The following MAMDC2 variants were observed in gnomAD, a reference collection of about 807,000 sequenced individuals.
MAMDC2 encodes the protein MAM domain-containing protein 2.
Under a neutral mutation model 89.8 loss-of-function variants are expected in MAMDC2, and 57 were observed. That is an observed-to-expected ratio of 0.63 (90% CI 0.51 to 0.79). MAMDC2 has a LOEUF of 0.79. Among genes scored for constraint, MAMDC2 ranks in the 30% least tolerant of loss-of-function variants. MAMDC2 has a pLI of 0.00. For missense variants in MAMDC2, 800 were observed against 820.6 expected (o/e 0.97, Z 0.31); for synonymous variants, 313 against 293.4 (o/e 1.07, Z -0.68).
chr9:70,129,870 G>A (rs2030716945), intron 6 of MAMDC2, among the ~76,000 whole-genome samples: 3 of 152,148 alleles, frequency 2.0e-5, no homozygotes, highest in Non-Finnish European at 4.4e-5. Flanking sequence ...TCATGATCAA[G>A]GTGCTGGCAG....
Position 70,044,583 on chromosome 9 carries a change from GC to G in MAMDC2, c.37del (p.Leu13CysfsTer34). Reference protein sequence around the residue: ...LLRGVLLALQALQLAGALDLP... With the variant: ...LLRGVLLALQXLQLAGALDLP... ...AACTGAAACTCGCTTTGTGCCCGCA[GC>G]CCTGCAGCTCGCCGGTGCCCTCGAC... On this transcript the variant is annotated frameshift_variant and splice_region_variant, in exon 2 of 14. Coordinates refer to ENST00000377182, the MANE Select transcript of MAMDC2 (RefSeq NM_153267.5). LOFTEE classifies it high-confidence loss of function. 2 of 1,549,350 alleles carry G rather than the reference GC, an allele frequency of 1.3e-6. No homozygotes were observed. Among genetic ancestry groups the G allele is most frequent in the Middle Eastern group, 2.0e-4 (1 of 5,006 alleles).
At chr9:70,169,661 T>C (rs749410703) in intron 10 of MAMDC2, 1 of 152,120 alleles carries the variant, frequency 6.6e-6, no homozygotes, top group Non-Finnish European at 1.5e-5. Context: ...AGCTATTTAT[T>C]AGAAAAATTT....
At chr9:70,124,073 C>T (rs990042857) in intron 5 of MAMDC2, among the ~76,000 whole-genome samples, 2 of 152,184 alleles carry the variant, frequency 1.3e-5, no homozygotes, top group African/African-American at 4.8e-5. Context: ...ATGGGGAAAG[C>T]CTGCAGCATG....
chr9:70,223,132 CAAAAAA>C (rs57177475), intron 12 of MAMDC2, among the ~76,000 whole-genome samples: 14 of 119,086 alleles, frequency 1.2e-4, no homozygotes, highest in African/African-American at 4.5e-4. Flanking sequence ...GACTCTGTCT[CAAAAAA>C]AAAAAAAAAA....
chr9:70,085,829 TTTA>T (rs1174540604), intron 2 of MAMDC2: 1 of 152,152 alleles, frequency 6.6e-6, no homozygotes, highest in Non-Finnish European at 1.5e-5. Flanking sequence ...TTTGCAACTT[TTTA>T]TTTTTTATTA....
chr9:70,217,756 A>G (rs2033477308), intron 11 of MAMDC2: 4 of 980,062 alleles, frequency 4.1e-6, no homozygotes, highest in Admixed American at 2.0e-5. Context: ...AAGTGTCACA[A>G]AAAGTTTTAG....
chr9:70,106,814 A>C (rs1487252054), intron 2 of MAMDC2, among the ~76,000 whole-genome samples: 1 of 152,182 alleles, frequency 6.6e-6, no homozygotes, highest in Non-Finnish European at 1.5e-5. Context: ...TTCAGTCGGC[A>C]AGAAAGGATC....
chr9:70,188,314 CAT>C (rs2032803697), intron 11 of MAMDC2, among the ~76,000 whole-genome samples: 1 of 152,100 alleles, frequency 6.6e-6, no homozygotes, highest in African/African-American at 2.4e-5. Context: ...TTACAATTAA[CAT>C]AATTATTAAT....
chr9:70,153,713 C>T (rs2031651280), intron 9 of MAMDC2: 1 of 152,024 alleles, frequency 6.6e-6, no homozygotes, highest in African/African-American at 2.4e-5. Context: ...TGCATCTTTA[C>T]TCTGTCATAG....
chr9:70,169,046 T>C (rs2032253429), intron 10 of MAMDC2, among the ~76,000 whole-genome samples: 1 of 152,202 alleles, frequency 6.6e-6, no homozygotes, highest in Non-Finnish European at 1.5e-5. Flanking sequence ...TACCTGAATA[T>C]TGGGGATAAT....
intron 11 of MAMDC2, among the ~76,000 whole-genome samples, chr9:70,182,873 T>C (rs2032674706): frequency 6.6e-6 from 1 of 152,238 alleles, no homozygotes; most frequent in Non-Finnish European, 1.5e-5. Flanking sequence ...CTGATCTTCA[T>C]TATTTCTTGT....
chr9:70,068,826 A>C (rs765006693), intron 2 of MAMDC2, among the ~76,000 whole-genome samples: 1 of 152,068 alleles, frequency 6.6e-6, no homozygotes. Flanking sequence ...GCATGTCTCC[A>C]GGTCCAAAGA....
chr9:70,100,017 A>AGAGAGAGAGAGCAC (rs994946595), intron 2 of MAMDC2, among the ~76,000 whole-genome samples: 2 of 131,416 alleles, frequency 1.5e-5, no homozygotes, highest in African/African-American at 6.3e-5. Context: ...AGAGAGAGAG[A>AGAGAGAGAGAGCAC]GAGAGAGCAC....
At chr9:70,054,735 C>T (rs1826990113) in intron 2 of MAMDC2, among the ~76,000 whole-genome samples, 1 of 151,996 alleles carries the variant, frequency 6.6e-6, no homozygotes, top group Admixed American at 6.6e-5. Flanking sequence ...ATTCAGAAAC[C>T]CTAAGAGCCT....
intron 2 of MAMDC2, among the ~76,000 whole-genome samples, chr9:70,045,613 C>A (rs1433594842): frequency 6.6e-6 from 1 of 152,162 alleles, no homozygotes. Flanking sequence ...CCACCTCGCT[C>A]CCTGGGGGAG....
At chr9:70,128,113 A>G (rs112954241) in intron 6 of MAMDC2, among the ~76,000 whole-genome samples, 22 of 152,350 alleles carry the variant, frequency 1.4e-4, no homozygotes, top group African/African-American at 4.8e-4. Context: ...CATCAGGAAA[A>G]GAAAGTTGTC....
chr9:70,165,635 C>T (rs2032148271), intron 9 of MAMDC2, among the ~76,000 whole-genome samples: 1 of 152,172 alleles, frequency 6.6e-6, no homozygotes, highest in African/African-American at 2.4e-5. Flanking sequence ...TTTCATTCAA[C>T]CCACTGTGGC....
At chr9:70,150,036 G>A (rs1220790820) in intron 9 of MAMDC2, among the ~76,000 whole-genome samples, 1 of 152,118 alleles carries the variant, frequency 6.6e-6, no homozygotes. Context: ...CTGCCCCTAG[G>A]TAGCTTTTTC....
Position 70,044,166 on chromosome 9 carries a change from C to T in MAMDC2, c.-32C>T, listed in dbSNP as rs1178470614. 2 of 1,613,538 alleles carry T rather than the reference C, an allele frequency of 1.2e-6. No individual in the cohort carries two copies. The highest frequency in any genetic ancestry group is 2.2e-5 in the East Asian group (1 of 44,838). ...GTCCCAGCGGGCTGGCAACTTGCAC[C>T]CCTTCCTAGTCATCCTCCCTGAAAC... is the stretch of plus-strand genomic sequence containing the variant. On this transcript the variant is annotated 5_prime_UTR_variant, in exon 1 of 14. Coordinates refer to ENST00000377182, the MANE Select transcript of MAMDC2 (RefSeq NM_153267.5).
Sources: allele counts gnomAD v4.1 joint callset (sites outside exome capture counted in the v4.1 genomes callset), GRCh38; gene constraint gnomAD v4.1.1; transcripts MANE v1.5; gene names NCBI Gene and HGNC (gene_info 2026-07-23, HGNC 2026-07-21).